ABCB1: variants seen among roughly 807,000 people sequenced by gnomAD.
The protein encoded by ABCB1 is ATP binding cassette subfamily B member 1.
In ABCB1, 69 loss-of-function variants were observed where a neutral mutation model predicts 142.0. That is an observed-to-expected ratio of 0.49 (90% CI 0.40 to 0.59). The LOEUF (loss-of-function observed/expected upper bound fraction) is 0.59, where lower values mean the gene tolerates loss of function less well. ABCB1 is among the 20% of genes least tolerant of loss of function. The probability of loss-of-function intolerance (pLI) is 0.00; values close to 1 mark genes in which losing one functional copy is unlikely to be tolerated. For missense variants in ABCB1, 1,326 were observed against 1,554.7 expected (o/e 0.85, Z 2.47); for synonymous variants, 532 against 539.2 (o/e 0.99, Z 0.18).
At chr7:87,505,010 G>T (rs1215493516) in intron 27 of ABCB1, among the ~76,000 whole-genome samples, 1 of 151,944 alleles carries the variant, frequency 6.6e-6, no homozygotes, top group Admixed American at 6.6e-5. Context: ...TGTCACCAGG[G>T]TGGAGTGTAG....
In ABCB1 at chr7:87,505,834, G is replaced by C. The variant is rs927866532; in HGVS notation, c.3636+63C>G. The C allele has an allele frequency of 9.4e-6, 15 of 1,589,548 alleles. No individual in the cohort carries two copies. In the East Asian group the frequency reaches 2.9e-4, roughly 31 times the overall value. ...TGGCTGCATTTTGTTCTTTACTATG[G>C]AGAATACAGCATTTTTAAGGATGAC... On this transcript the variant is annotated intron_variant, in intron 27 of 27. Transcript: ENST00000622132.
At position 87,536,500 on chromosome 7, in the gene ABCB1, T is replaced by C. The variant is rs1584857599; in HGVS notation, c.2439A>G (p.Ala813=). The C allele has an allele frequency of 6.2e-7, 1 of 1,613,988 alleles. No individual in the cohort carries two copies. Among genetic ancestry groups the C allele is most frequent in the African/African-American group, 1.3e-5 (1 of 75,024 alleles). ...CATCATTGGCGAGCCTGGTAGTCAA[T>C]GCTCCAGTGGTGTTTTTAGGGTCAT... ...WFDDPKNTTG[A]LTTRLANDAA... The change falls in exon 20 of 28, where the codon GCA becomes GCG. Residue 813 remains alanine (A), a synonymous_variant. Coordinates refer to ENST00000622132, the MANE Select transcript of ABCB1 (RefSeq NM_001348946.2).
intron 1 of ABCB1, among the ~76,000 whole-genome samples, chr7:87,656,203 T>C (rs894674185): frequency 8.5e-5 from 13 of 152,170 alleles, no homozygotes; most frequent in Non-Finnish European, 1.8e-4. Flanking sequence ...CCATGATATA[T>C]ACAAATTTCA....
intron 25 of ABCB1, among the ~76,000 whole-genome samples, chr7:87,511,032 T>C (rs754616103): frequency 6.6e-6 from 1 of 152,314 alleles, no homozygotes; most frequent in Admixed American, 6.5e-5. Context: ...AGACACTGCC[T>C]AACTAATATA....
intron 4 of ABCB1, among the ~76,000 whole-genome samples, chr7:87,579,113 AG>A (rs1563061057): frequency 6.6e-6 from 1 of 152,208 alleles, no homozygotes; most frequent in Non-Finnish European, 1.5e-5. Context: ...CACTCCTAAT[AG>A]TTATTTGTTG....
chr7:87,521,585 T>C (rs1055318933), intron 21 of ABCB1: 22 of 757,894 alleles, frequency 2.9e-5, no homozygotes, highest in Admixed American at 2.2e-4. Context: ...GGAATGCTCA[T>C]GGATTGCGTG....
rs111526989 is a variant in ABCB1 at position 87,515,483 on chromosome 7, G to T, written c.3085-55C>A. On this transcript the variant is annotated intron_variant, in intron 24 of 27. Coordinates refer to ENST00000622132, the MANE Select transcript of ABCB1 (RefSeq NM_001348946.2). Reference sequence around the variant, plus strand: ...AATGCTGCAATACTGAAAATAAAGTGTATAGCTAACTCTCTCGATTACCAG... The same window carrying T: ...AATGCTGCAATACTGAAAATAAAGTTTATAGCTAACTCTCTCGATTACCAG... 178 of 1,532,600 alleles carry T rather than the reference G, an allele frequency of 1.2e-4. 1 individual carries two copies. In the African/African-American group the frequency reaches 1.8e-3, roughly 15 times the overall value. The allele number at this position is 1,532,600 out of a possible 1,614,324, so 94.9% of individuals were successfully genotyped here. A position where few individuals can be genotyped will look rare whatever the true frequency, so the allele number is the denominator to read the frequency against.
intron 1 of ABCB1, among the ~76,000 whole-genome samples, chr7:87,646,186 T>C (rs1822980607): frequency 6.6e-6 from 1 of 152,214 alleles, no homozygotes; most frequent in Non-Finnish European, 1.5e-5. Flanking sequence ...ACGTAACCTA[T>C]GAGTAATGTA....
chr7:87,708,862 A>G (rs1563151533), intron 1 of ABCB1, among the ~76,000 whole-genome samples: 1 of 152,188 alleles, frequency 6.6e-6, no homozygotes, highest in Non-Finnish European at 1.5e-5. Flanking sequence ...TTCTTAATGT[A>G]TATAAAGCTC....
intron 1 of ABCB1, among the ~76,000 whole-genome samples, chr7:87,708,622 T>A (rs915831416): frequency 2.0e-5 from 3 of 152,180 alleles, no homozygotes; most frequent in African/African-American, 4.8e-5. Context: ...ATTTTAATTT[T>A]CCCACTCTGT....
chr7:87,696,746 A>G (rs1315368789), intron 1 of ABCB1, among the ~76,000 whole-genome samples: 1 of 152,120 alleles, frequency 6.6e-6, no homozygotes, highest in East Asian at 1.9e-4. Context: ...TGTTATGAAG[A>G]TCTTGGTGGT....
intron 27 of ABCB1, 57 bp from the exon 28 acceptor site, chr7:87,504,506 T>C: frequency 6.2e-7 from 1 of 1,600,028 alleles, no homozygotes; most frequent in Non-Finnish European, 8.5e-7. Flanking sequence ...TAATTCCTCT[T>C]CCATAAAAAG....
chr7:87,557,039 A>G (rs780139811), intron 8 of ABCB1, among the ~76,000 whole-genome samples: 10 of 152,292 alleles, frequency 6.6e-5, no homozygotes, highest in Middle Eastern at 3.4e-3. Flanking sequence ...GCTGAGATGA[A>G]ACCTCCTCAA....
At chr7:87,599,832 C>T (rs1819372379) in intron 2 of ABCB1, among the ~76,000 whole-genome samples, 1 of 152,122 alleles carries the variant, frequency 6.6e-6, no homozygotes, top group South Asian at 2.1e-4. Context: ...ATTACACATT[C>T]CGGGCATGTA....
At chr7:87,546,311 G>A (rs186010789) in intron 14 of ABCB1, among the ~76,000 whole-genome samples, 112 of 152,136 alleles carry the variant, frequency 7.4e-4, no homozygotes, top group African/African-American at 2.4e-3. Flanking sequence ...GGCTTGGGCC[G>A]GGCGTGGTGG....
rs569398842 is a variant in ABCB1 at position 87,705,688 on chromosome 7, GA to G, written c.-331+7472del. 1.6e-4 allele frequency among the ~76,000 whole-genome samples: 24 copies of G among 152,102 alleles called. No individual in the cohort carries two copies. The South Asian group carries it at 5.0e-3, about 32-fold the overall frequency. ...TTTCACACTAGAATCAGCACTCTTA[GA>G]AAAATGACTTTATCTCAGCAGGCAC... is the stretch of plus-strand genomic sequence containing the variant. On this transcript the variant is annotated intron_variant, in intron 1 of 28. Transcript: ENST00000265724.
chr7:87,633,452 G>C (rs576845355), intron 1 of ABCB1, among the ~76,000 whole-genome samples: 1 of 152,296 alleles, frequency 6.6e-6, no homozygotes, highest in South Asian at 2.1e-4. Context: ...GACTCTTGCA[G>C]CATGTAGAGC....
At chr7:87,546,658 C>T (rs1216488159) in intron 14 of ABCB1, among the ~76,000 whole-genome samples, 2 of 152,090 alleles carry the variant, frequency 1.3e-5, no homozygotes, top group African/African-American at 4.8e-5. Context: ...CAAACACAGG[C>T]CATTGTGCTG....
intron 1 of ABCB1, among the ~76,000 whole-genome samples, chr7:87,615,381 A>T (rs1243788828): frequency 6.6e-6 from 1 of 152,240 alleles, no homozygotes. Context: ...GAGCAGTAGG[A>T]GATGATGTCA....
Sources: gnomAD v4.1 joint callset for allele counts (sites outside exome capture counted in the v4.1 genomes callset) on GRCh38, gnomAD v4.1.1 for gene constraint, MANE v1.5 for transcripts, NCBI Gene and HGNC (gene_info 2026-07-23, HGNC 2026-07-21) for gene names.